Variants in ROPN1 observed in about 807,000 individuals in gnomAD.
The protein encoded by ROPN1 is ropporin-1A.
ROPN1 carries 14 observed loss-of-function variants against 20.5 expected under a neutral mutation model. That is an observed-to-expected ratio of 0.68 (90% CI 0.45 to 1.07). The LOEUF (loss-of-function observed/expected upper bound fraction) is 1.07. ROPN1 is among the 50% of genes least tolerant of loss of function. The probability of loss-of-function intolerance (pLI) is 0.00; values close to 1 mark genes in which losing one functional copy is unlikely to be tolerated. For missense variants in ROPN1, 169 were observed against 242.8 expected, an observed-to-expected ratio of 0.70 and a Z score of 2.02; for synonymous variants, 76 against 95.7, an observed-to-expected ratio of 0.79 and a Z score of 1.20.
chr3:123,983,081 A>T (rs1287597584), intron 1 of ROPN1, among the ~76,000 whole-genome samples: 1 of 152,156 alleles, frequency 6.6e-6, no homozygotes, highest in African/African-American at 2.4e-5. Context: ...TACCCATTGC[A>T]CCACTGGCCC....
At chr3:123,976,653 G>A (rs946637444) in intron 3 of ROPN1, among the ~76,000 whole-genome samples, 2 of 152,204 alleles carry the variant, frequency 1.3e-5, no homozygotes, top group African/African-American at 4.8e-5. Context: ...GGAAATCTGG[G>A]ATGACCCCAC....
At chr3:123,978,883 G>A (rs1187906150) in intron 2 of ROPN1, 3 of 153,674 alleles carry the variant, frequency 2.0e-5, no homozygotes, top group Non-Finnish European at 2.9e-5. Flanking sequence ...TACAATACGA[G>A]AGCAAGCAGT....
Position 123,969,199 on chromosome 3 carries a change from T to C in ROPN1, c.595A>G (p.Thr199Ala). The change falls in exon 6 of 6, where the codon ACA becomes GCA. Residue 199 changes from threonine (T) to alanine (A), a missense_variant. By Grantham distance (58) the Thr-to-Ala change is moderately conservative. This residue lies in a region of ROPN1 where 82 missense variants were observed against 100.1 expected (regional missense o/e 0.82). Transcript: ENST00000405845. Reference sequence around the variant, plus strand: ...GGGTTTTGGGTAAAGTCATTCACTGTGATTATACCATCAGGGCCAATTCTG... The same window carrying C: ...GGGTTTTGGGTAAAGTCATTCACTGCGATTATACCATCAGGGCCAATTCTG... ...QEVIGPDGII[T>A]VNDFTQNPRV... 1.2e-6 allele frequency: 2 copies of C among 1,614,094 alleles called. No individual in the cohort carries two copies. Among genetic ancestry groups the C allele is most frequent in the Admixed American group, 3.3e-5 (2 of 60,026 alleles).
At chr3:123,990,048 A>G (rs1255511705) in intron 1 of ROPN1, among the ~76,000 whole-genome samples, 1 of 152,122 alleles carries the variant, frequency 6.6e-6, no homozygotes, top group Non-Finnish European at 1.5e-5. Flanking sequence ...TTACTATATG[A>G]TTTATTTCTC....
rs144845188 is a variant in ROPN1 at position 123,986,376 on chromosome 3, C to T, written c.-13+5546G>A. Among the ~76,000 whole-genome samples the T allele has an allele frequency of 9.7e-4, 147 of 152,166 alleles. 1 individual carries two copies. In the Middle Eastern group the frequency reaches 0.01, roughly 11 times the overall value. On this transcript the variant is annotated intron_variant, in intron 1 of 5. Transcript: ENST00000405845. ...CATACAAAAGTTCCTGAAATGACCA[C>T]ACAGTGGCAGAGGCAAGGCAGCTAT...
chr3:123,986,415 G>A (rs1420377254), intron 1 of ROPN1, among the ~76,000 whole-genome samples: 2 of 152,120 alleles, frequency 1.3e-5, no homozygotes, highest in Admixed American at 1.3e-4. Context: ...GGGGAGCAGG[G>A]GTCCCTGATG....
chr3:123,991,690 A>G (rs1317743935), intron 1 of ROPN1, among the ~76,000 whole-genome samples: 2 of 138,518 alleles, frequency 1.4e-5, no homozygotes, highest in African/African-American at 5.1e-5. Flanking sequence ...TCCTCCGGGT[A>G]AGAAACCGTA....
chr3:123,970,278 GT>G, intron 4 of ROPN1, 61 bp from the exon 5 acceptor site: 1 of 1,473,832 alleles, frequency 6.8e-7, no homozygotes, highest in Non-Finnish European at 9.3e-7. Context: ...CCTGAGATCG[GT>G]TTAGATACAA....
intron 1 of ROPN1, among the ~76,000 whole-genome samples, chr3:123,986,238 CT>C: frequency 6.6e-6 from 1 of 151,114 alleles, no homozygotes; most frequent in Middle Eastern, 3.4e-3. Context: ...CTATAGTCTC[CT>C]TAAGTACTTT....
At chr3:123,978,337 G>T (rs570206216) in intron 2 of ROPN1, among the ~76,000 whole-genome samples, 36 of 152,178 alleles carry the variant, frequency 2.4e-4, no homozygotes, top group Non-Finnish European at 5.0e-4. Context: ...CCAGACTTGG[G>T]TGGTATAAAT....
chr3:123,984,140 A>C (rs911443100), intron 1 of ROPN1, among the ~76,000 whole-genome samples: 6 of 152,112 alleles, frequency 3.9e-5, no homozygotes, highest in Non-Finnish European at 8.8e-5. Context: ...GGTCTTCAGC[A>C]TTCTTTCTGT....
At chr3:123,982,462 T>C (rs1427392752) in intron 1 of ROPN1, among the ~76,000 whole-genome samples, 2 of 152,132 alleles carry the variant, frequency 1.3e-5, no homozygotes, top group Non-Finnish European at 2.9e-5. Flanking sequence ...AGAGGGATGT[T>C]ATTAGGGAAA....
chr3:123,977,580 T>C (rs1319754746), intron 2 of ROPN1, among the ~76,000 whole-genome samples: 4 of 152,104 alleles, frequency 2.6e-5, no homozygotes, highest in Non-Finnish European at 5.9e-5. Context: ...GAGATGGAAG[T>C]GTCCTGGGGT....
chr3:123,982,985 T>C (rs1220183182), intron 1 of ROPN1, among the ~76,000 whole-genome samples: 2 of 152,246 alleles, frequency 1.3e-5, no homozygotes. Context: ...GTGTGGTTTA[T>C]TTCGCTTAGC....
At position 123,976,950 on chromosome 3, in the gene ROPN1, G is replaced by T. The variant is rs757118346; in HGVS notation, c.148C>A (p.Pro50Thr). Reference protein sequence around the residue: ...YFEALSRGETPPVRERSERVA... With the variant: ...YFEALSRGETTPVRERSERVA... The stretch of plus-strand genomic sequence containing the variant: ...CGCTCAGACCGCTCTCTCACCGGAG[G>T]CGTCTCTCCACGGGACAGGGCCTCA... The change falls in exon 3 of 6, where the codon CCT (proline) becomes ACT (threonine). Residue 50 changes from proline to threonine, a missense_variant. This residue lies in a region of ROPN1 where 84 missense variants were observed against 99.3 expected (regional missense o/e 0.85). Coordinates refer to ENST00000405845, the MANE Select transcript of ROPN1 (RefSeq NM_001317774.2). The T allele has an allele frequency of 6.2e-7, 1 of 1,614,134 alleles. No individual in the cohort carries two copies. The highest frequency in any genetic ancestry group is 1.1e-5 in the South Asian group (1 of 91,070).
chr3:123,970,706 G>A (rs574350411), intron 4 of ROPN1, among the ~76,000 whole-genome samples: 1 of 152,148 alleles, frequency 6.6e-6, no homozygotes, highest in African/African-American at 2.4e-5. Context: ...GGAGTCCCAG[G>A]AAGATACTGG....
chr3:123,980,764 T>C, intron 1 of ROPN1: 1 of 342,934 alleles, frequency 2.9e-6, no homozygotes, highest in Non-Finnish European at 5.3e-6. Flanking sequence ...CCTAATGATA[T>C]CGCCCCAAAA....
At chr3:123,979,764 CA>C (rs62878261) in intron 2 of ROPN1, 3 of 350,258 alleles carry the variant, frequency 8.6e-6, no homozygotes, top group South Asian at 2.2e-5. Flanking sequence ...GTTGGCAGAA[CA>C]AAATCAGTTC....
At chr3:123,990,121 A>C (rs530423503) in intron 1 of ROPN1, among the ~76,000 whole-genome samples, 25 of 152,312 alleles carry the variant, frequency 1.6e-4, no homozygotes, top group African/African-American at 4.3e-4. Context: ...GAGGATGGTG[A>C]AGCTTCAGGC....
Sources: gnomAD v4.1 joint callset for allele counts (sites outside exome capture counted in the v4.1 genomes callset) on GRCh38, gnomAD v4.1.1 for gene constraint, gnomAD v4.1.1 regional missense constraint, MANE v1.5 for transcripts, NCBI Gene and HGNC (gene_info 2026-07-23, HGNC 2026-07-21) for gene names.